The following NBAS variants were observed in gnomAD, a reference collection of about 807,000 sequenced individuals.
The protein encoded by NBAS is NAG/BC035112 fusion.
Under a neutral mutation model 302.5 loss-of-function variants are expected in NBAS, and 219 were observed. The ratio of observed to expected loss-of-function variants is 0.72; its 90% CI spans 0.65 to 0.81. The LOEUF (loss-of-function observed/expected upper bound fraction) is 0.81. NBAS is among the 30% of genes least tolerant of loss of function. The pLI, the probability that NBAS is intolerant of heterozygous loss-of-function variation, is 0.00. For missense variants in NBAS, 2,932 were observed against 2,841.6 expected (o/e 1.03, Z -0.72); for synonymous variants, 1,118 against 1,021.6 (o/e 1.09, Z -1.80).
chr2:15,139,968 T>C, the NBAS span, among the ~76,000 whole-genome samples: 113 of 152,300 alleles, frequency 7.4e-4, no homozygotes, highest in Non-Finnish European at 1.3e-3. Flanking sequence ...GAAGTCTGTT[T>C]CCCTCCCCAT....
the NBAS span, among the ~76,000 whole-genome samples, chr2:14,995,255 C>A: frequency 6.6e-6 from 1 of 152,018 alleles, no homozygotes; most frequent in East Asian, 1.9e-4. Flanking sequence ...GTTCCCCTTT[C>A]TGTGTCCATG....
chr2:15,536,592 ACTAGAT>A, intron 7 of NBAS, 41 bp from the exon 8 acceptor site: 4 of 1,502,000 alleles, frequency 2.7e-6, no homozygotes, highest in Non-Finnish European at 3.6e-6. Flanking sequence ...AAAAAAAAAA[ACTAGAT>A]AAAAGTTAAC....
At chr2:15,142,435 G>A in the NBAS span, among the ~76,000 whole-genome samples, 1 of 152,202 alleles carries the variant, frequency 6.6e-6, no homozygotes, top group Non-Finnish European at 1.5e-5. Flanking sequence ...TCCTGCAGAT[G>A]ACGTCAGGAG....
At chr2:15,541,127 C>T (rs1663796896) in intron 6 of NBAS, among the ~76,000 whole-genome samples, 2 of 152,186 alleles carry the variant, frequency 1.3e-5, no homozygotes, top group Non-Finnish European at 2.9e-5. Flanking sequence ...CCTTGACACC[C>T]TTGAAAACTG....
At chr2:15,007,068 T>C in the NBAS span, among the ~76,000 whole-genome samples, 2 of 152,226 alleles carry the variant, frequency 1.3e-5, no homozygotes, top group African/African-American at 4.8e-5. Flanking sequence ...CAGGGGACCT[T>C]GGACATGATG....
chr2:14,829,028 A>AT, the NBAS span, among the ~76,000 whole-genome samples: 12 of 151,310 alleles, frequency 7.9e-5, no homozygotes, highest in Admixed American at 6.6e-4. Flanking sequence ...CCTGGTGGTG[A>AT]TTTTTGTTTT....
At chr2:15,093,486 T>A in the NBAS span, among the ~76,000 whole-genome samples, 1 of 152,206 alleles carries the variant, frequency 6.6e-6, no homozygotes, top group Admixed American at 6.5e-5. Flanking sequence ...TCAACATATA[T>A]TTTATGTGAT....
intron 44 of NBAS, among the ~76,000 whole-genome samples, chr2:15,255,191 A>C (rs1668537844): frequency 1.3e-5 from 2 of 152,158 alleles, no homozygotes; most frequent in African/African-American, 4.8e-5. Context: ...CAGCAGTGTA[A>C]AGATGTTCCC....
intron 12 of NBAS, among the ~76,000 whole-genome samples, chr2:15,487,113 G>A (rs541982785): frequency 1.2e-3 from 190 of 152,100 alleles, no homozygotes; most frequent in African/African-American, 4.5e-3. Flanking sequence ...AGCCAAGGGG[G>A]GAAAATGCCT....
chr2:15,010,810 T>G, the NBAS span, among the ~76,000 whole-genome samples: 1 of 152,160 alleles, frequency 6.6e-6, no homozygotes, highest in Non-Finnish European at 1.5e-5. Flanking sequence ...AGATTACACA[T>G]AGTTGATTAA....
chr2:15,238,763 G>C (rs553349198), intron 44 of NBAS, 77 bp from the exon 45 acceptor site: 1,175 of 1,282,922 alleles, frequency 9.2e-4, no homozygotes, highest in Admixed American at 1.1e-3. Context: ...TAATGAGTTA[G>C]AACAAAAGTG....
chr2:15,300,232 G>A (rs972338851), intron 40 of NBAS, among the ~76,000 whole-genome samples: 12 of 152,298 alleles, frequency 7.9e-5, no homozygotes, highest in Non-Finnish European at 1.2e-4. Context: ...TCCAGGAGGT[G>A]GAAAGAGAAA....
At chr2:15,073,870 A>C in the NBAS span, among the ~76,000 whole-genome samples, 2 of 152,204 alleles carry the variant, frequency 1.3e-5, no homozygotes, top group Admixed American at 1.3e-4. Context: ...CAGGCTTTGC[A>C]CACAATGCTG....
intron 26 of NBAS, 69 bp downstream of exon 26, chr2:15,402,099 A>C (rs1676182302): frequency 6.4e-7 from 1 of 1,569,888 alleles, no homozygotes; most frequent in Non-Finnish European, 8.8e-7. Context: ...GCATTTGGGG[A>C]AGCAACGTTT....
In NBAS at chr2:15,309,193, G is replaced by A; in HGVS notation, c.4637C>T (p.Ala1546Val). The A allele has an allele frequency of 6.2e-7, 1 of 1,612,974 alleles. No homozygotes were observed. Among genetic ancestry groups the A allele is most frequent in the South Asian group, 1.1e-5 (1 of 91,018 alleles). The change falls in exon 39 of 52, where the codon GCT becomes GTT. Residue 1546 changes from alanine to valine, a missense_variant. By Grantham distance (64) the Ala-to-Val change is moderately conservative. Transcript: ENST00000281513. ...ALPNDMTLAL[A>V]YLLALPQVLD... Reference sequence around the variant, plus strand: ...TACTTGTGGTAAGGCAAGAAGGTAAGCAAGAGCCAAGGTCATGTCATTTGG... The same window carrying A: ...TACTTGTGGTAAGGCAAGAAGGTAAACAAGAGCCAAGGTCATGTCATTTGG...
chr2:15,449,248 T>G (rs111528477), intron 21 of NBAS, among the ~76,000 whole-genome samples: 46 of 152,328 alleles, frequency 3.0e-4, no homozygotes, highest in Non-Finnish European at 5.7e-4. Flanking sequence ...TTTATTAAAA[T>G]AATTCCCTAT....
intron 11 of NBAS, among the ~76,000 whole-genome samples, chr2:15,499,780 T>A (rs573026919): frequency 2.2e-4 from 34 of 152,308 alleles, no homozygotes; most frequent in African/African-American, 7.5e-4. Flanking sequence ...TTAAATTTTT[T>A]AAAAAAGTAA....
At chr2:14,958,330 G>A in the NBAS span, among the ~76,000 whole-genome samples, 3 of 152,142 alleles carry the variant, frequency 2.0e-5, no homozygotes, top group Admixed American at 2.0e-4. Context: ...TTTCTCATCT[G>A]GGCAGGGTTG....
the NBAS span, among the ~76,000 whole-genome samples, chr2:14,824,208 G>A: frequency 4.7e-4 from 72 of 152,252 alleles, no homozygotes; most frequent in African/African-American, 1.7e-3. Flanking sequence ...TAGAATTTGA[G>A]CCCAGATTTG....
Sources: allele counts gnomAD v4.1 joint callset (sites outside exome capture counted in the v4.1 genomes callset), GRCh38; gene constraint gnomAD v4.1.1; transcripts MANE v1.5; gene names NCBI Gene and HGNC (gene_info 2026-07-23, HGNC 2026-07-21).